Variants in CAST observed in about 807,000 individuals in gnomAD.
CAST encodes the protein MIR583 host.
CAST carries 76 observed loss-of-function variants against 119.6 expected under a neutral mutation model. The observed-to-expected ratio is 0.64, with a 90% CI of 0.53 to 0.77. The LOEUF (loss-of-function observed/expected upper bound fraction) is 0.77. Among genes scored for constraint, CAST ranks in the 30% least tolerant of loss-of-function variants. The pLI is 0.00. For synonymous variants in CAST, 319 were observed against 331.6 expected (o/e 0.96, Z 0.41); for missense variants, 953 against 946.5 (o/e 1.01, Z -0.09).
At chr5:96,350,125 A>T in the CAST span, among the ~76,000 whole-genome samples, 1 of 152,176 alleles carries the variant, frequency 6.6e-6, no homozygotes, top group Non-Finnish European at 1.5e-5. Context: ...AAAGTTAATG[A>T]TGTGTGCCCA....
the CAST span, among the ~76,000 whole-genome samples, chr5:96,473,694 G>T: frequency 1.3e-5 from 2 of 152,180 alleles, no homozygotes; most frequent in Non-Finnish European, 1.5e-5. Flanking sequence ...CAGGTCACTG[G>T]CCAGGACTGA....
At chr5:96,433,358 C>CCGG in the CAST span, 1 of 412,510 alleles carries the variant, frequency 2.4e-6, no homozygotes, top group African/African-American at 2.0e-5. Context: ...AATGGTATTC[C>CCGG]CGGCGGGGCG....
intron 3 of CAST, among the ~76,000 whole-genome samples, chr5:96,700,718 G>A (rs1246429131): frequency 6.6e-6 from 1 of 152,066 alleles, no homozygotes; most frequent in Non-Finnish European, 1.5e-5. Context: ...ATTCTGATTC[G>A]CCGGGGTGGG....
At chr5:96,088,917 G>C in the CAST span, among the ~76,000 whole-genome samples, 1 of 152,176 alleles carries the variant, frequency 6.6e-6, no homozygotes, top group Non-Finnish European at 1.5e-5. Flanking sequence ...GGGTGACTCT[G>C]ACAGTGCTCT....
chr5:96,180,085 G>C, the CAST span, among the ~76,000 whole-genome samples: 3 of 152,068 alleles, frequency 2.0e-5, no homozygotes, highest in African/African-American at 7.2e-5. Flanking sequence ...TGTGGCATGA[G>C]ACATGTTCAG....
At chr5:96,464,850 A>G in the CAST span, among the ~76,000 whole-genome samples, 1 of 152,074 alleles carries the variant, frequency 6.6e-6, no homozygotes, top group Non-Finnish European at 1.5e-5. Context: ...CAATACAGCA[A>G]GTGCTCCCAA....
At chr5:96,021,502 G>A in the CAST span, among the ~76,000 whole-genome samples, 1 of 151,938 alleles carries the variant, frequency 6.6e-6, no homozygotes, top group Non-Finnish European at 1.5e-5. Flanking sequence ...CTGGAGTGCA[G>A]TGGCGCGATC....
At chr5:96,186,104 T>C in the CAST span, among the ~76,000 whole-genome samples, 13 of 152,166 alleles carry the variant, frequency 8.5e-5, no homozygotes, top group Non-Finnish European at 1.5e-4. Flanking sequence ...TTTATTCTTT[T>C]TGTAGCAATT....
At chr5:96,705,476 A>G (rs1186439602) in intron 3 of CAST, among the ~76,000 whole-genome samples, 1 of 152,204 alleles carries the variant, frequency 6.6e-6, no homozygotes, top group African/African-American at 2.4e-5. Flanking sequence ...GTTTATTTGA[A>G]CATTGCGATT....
chr5:96,541,672 T>C (rs1364701601), intron 1 of CAST, among the ~76,000 whole-genome samples: 3 of 152,226 alleles, frequency 2.0e-5, no homozygotes, highest in Non-Finnish European at 4.4e-5. Flanking sequence ...TTTACGTTTG[T>C]ATAGTTTTTT....
chr5:96,005,925 A>G, the CAST span, among the ~76,000 whole-genome samples: 10 of 152,142 alleles, frequency 6.6e-5, no homozygotes, highest in African/African-American at 2.4e-4. Flanking sequence ...AATTAGTTTT[A>G]TTTTTGATTT....
At chr5:96,731,307 C>T (rs1760429522) in intron 9 of CAST, among the ~76,000 whole-genome samples, 1 of 152,082 alleles carries the variant, frequency 6.6e-6, no homozygotes, top group Non-Finnish European at 1.5e-5. Context: ...ATTTCAAGTC[C>T]TCTCAGGATG....
the CAST span, among the ~76,000 whole-genome samples, chr5:96,440,878 A>T: frequency 6.6e-6 from 1 of 152,334 alleles, no homozygotes; most frequent in East Asian, 1.9e-4. Context: ...AACTGACACT[A>T]TTTGATAAAC....
the CAST span, among the ~76,000 whole-genome samples, chr5:96,420,495 C>T: frequency 6.6e-6 from 1 of 152,078 alleles, no homozygotes. Flanking sequence ...GCGGTTAACC[C>T]CTTTAGTCAC....
chr5:96,009,332 T>A, the CAST span, among the ~76,000 whole-genome samples: 1 of 152,168 alleles, frequency 6.6e-6, no homozygotes, highest in Non-Finnish European at 1.5e-5. Flanking sequence ...TACTCAGTAG[T>A]GGGGTTGCTA....
chr5:96,379,153 G>A, the CAST span, among the ~76,000 whole-genome samples: 1 of 152,144 alleles, frequency 6.6e-6, no homozygotes, highest in African/African-American at 2.4e-5. Context: ...TTTGATACCA[G>A]TGAATGTTCT....
At chr5:96,099,080 T>C in the CAST span, among the ~76,000 whole-genome samples, 1 of 152,202 alleles carries the variant, frequency 6.6e-6, no homozygotes, top group Admixed American at 6.5e-5. Context: ...ATTCTTTTTG[T>C]GGCAATTGTG....
chr5:96,212,960 A>G, the CAST span, among the ~76,000 whole-genome samples: 10 of 152,106 alleles, frequency 6.6e-5, no homozygotes, highest in Non-Finnish European at 1.2e-4. Context: ...TCTACAAAAA[A>G]TAAAATAAAT....
chr5:96,348,682 G>A, the CAST span, among the ~76,000 whole-genome samples: 1 of 152,098 alleles, frequency 6.6e-6, no homozygotes, highest in Admixed American at 6.6e-5. Flanking sequence ...GGTGGACAGT[G>A]TCTGAAAGAA....
Sources: allele counts gnomAD v4.1 joint callset (sites outside exome capture counted in the v4.1 genomes callset), GRCh38; gene constraint gnomAD v4.1.1; transcripts MANE v1.5; gene names NCBI Gene and HGNC (gene_info 2026-07-23, HGNC 2026-07-21).